MTAP: variants seen among roughly 807,000 people sequenced by gnomAD.
MTAP encodes the protein methylthioadenosine phosphorylase.
A neutral mutation model predicts 33.6 loss-of-function variants in MTAP; 33 were observed. That is an observed-to-expected ratio of 0.98 (90% CI 0.74 to 1.31). The LOEUF (loss-of-function observed/expected upper bound fraction) is 1.31, where lower values mean the gene tolerates loss of function less well. Among genes scored for constraint, MTAP ranks in the 40% most tolerant of loss-of-function variants. The pLI is 0.00. For missense variants in MTAP, 367 were observed against 360.0 expected (o/e 1.02, Z -0.16); for synonymous variants, 148 against 125.7 (o/e 1.18, Z -1.19).
At chr9:21,893,959 T>A (rs1326665222) in intron 1 of MTAP, 1 of 134,938 alleles carries the variant, frequency 7.4e-6, no homozygotes, top group Non-Finnish European at 1.6e-5. Flanking sequence ...ACACAGAAAT[T>A]CTGGCCAACA....
intron 1 of MTAP, among the ~76,000 whole-genome samples, chr9:21,884,781 G>C (rs1818081528): frequency 6.6e-6 from 1 of 152,140 alleles, no homozygotes; most frequent in Non-Finnish European, 1.5e-5. Flanking sequence ...CTCATTGAGG[G>C]TTAGGGTTTC....
chr9:21,895,810 G>C (rs1818282694), intron 1 of MTAP, among the ~76,000 whole-genome samples: 1 of 152,168 alleles, frequency 6.6e-6, no homozygotes, highest in Non-Finnish European at 1.5e-5. Context: ...AAAGCGGCCA[G>C]GAAGCTCCAA....
intron 1 of MTAP, among the ~76,000 whole-genome samples, chr9:21,878,644 G>T (rs1410986597): frequency 6.6e-6 from 1 of 152,106 alleles, no homozygotes; most frequent in East Asian, 1.9e-4. Context: ...TTACAGGCAT[G>T]AGCCACTGCA....
intron 1 of MTAP, among the ~76,000 whole-genome samples, chr9:21,810,394 G>T (rs1405282802): frequency 1.3e-5 from 2 of 151,610 alleles, no homozygotes; most frequent in African/African-American, 4.9e-5. Context: ...TAAAAGAAAT[G>T]AAAGGGAGAC....
intron 3 of MTAP, among the ~76,000 whole-genome samples, 175 bp downstream of exon 3, chr9:21,816,947 G>T (rs1446336776): frequency 6.6e-6 from 1 of 152,178 alleles, no homozygotes; most frequent in African/African-American, 2.4e-5. Flanking sequence ...TGACTTAGGA[G>T]ATCAAAGATC....
chr9:21,937,960 G>A (rs921456672), downstream of MTAP, among the ~76,000 whole-genome samples: 10 of 151,928 alleles, frequency 6.6e-5, no homozygotes, highest in African/African-American at 2.2e-4. Context: ...AGTAACATAG[G>A]GAGACCCTTC....
intron 1 of MTAP, 170 bp downstream of exon 1, chr9:21,802,951 G>A (rs1308878872): frequency 2.2e-6 from 3 of 1,386,764 alleles, no homozygotes; most frequent in East Asian, 5.5e-5. Context: ...CGAGGAGAGG[G>A]TACGCTTGCA....
chr9:21,830,338 A>G (rs1824935814), intron 4 of MTAP, among the ~76,000 whole-genome samples: 1 of 152,216 alleles, frequency 6.6e-6, no homozygotes, highest in South Asian at 2.1e-4. Context: ...CAGAATCTAT[A>G]CCAAGAACTT....
chr9:21,805,304 C>T lies in MTAP; in HGVS notation c.33+2523C>T, dbSNP rs575719954. Among the ~76,000 whole-genome samples, 371 of 152,298 alleles carry T rather than the reference C, an allele frequency of 2.4e-3. 4 individuals are homozygous for T. The highest frequency in any genetic ancestry group is 3.4e-3 in the Middle Eastern group (1 of 294). On this transcript the variant is annotated intron_variant, in intron 1 of 7. Coordinates refer to ENST00000644715, the MANE Select transcript of MTAP (RefSeq NM_002451.4). ...AGTTTTGGATTGGCAGTATATTTGG[C>T]ATATCTTTCAAATCTAGCCATCTAC...
chr9:21,938,703 T>C (rs1819085733), downstream of MTAP, among the ~76,000 whole-genome samples: 2 of 152,194 alleles, frequency 1.3e-5, no homozygotes, highest in African/African-American at 4.8e-5. Context: ...ATCAGATCTT[T>C]AACCATGGCC....
At chr9:21,925,564 C>T (rs1009477689) in intron 1 of MTAP, among the ~76,000 whole-genome samples, 15 of 152,248 alleles carry the variant, frequency 9.9e-5, no homozygotes, top group Admixed American at 9.8e-4. Flanking sequence ...TCCCAGTTAA[C>T]TGCCATCAGT....
intron 1 of MTAP, among the ~76,000 whole-genome samples, chr9:21,916,136 G>GA (rs1293786390): frequency 1.3e-5 from 2 of 151,256 alleles, no homozygotes; most frequent in Admixed American, 6.6e-5. Context: ...GGGAAGGAAG[G>GA]AAAATAACCT....
chr9:21,886,005 G>A (rs1818103808), intron 1 of MTAP, among the ~76,000 whole-genome samples: 2 of 151,960 alleles, frequency 1.3e-5, no homozygotes, highest in Admixed American at 1.3e-4. Context: ...TCAAATGGTA[G>A]ATGTCCTTTT....
chr9:21,816,899 C>T, intron 3 of MTAP, 127 bp downstream of exon 3: 1 of 720,280 alleles, frequency 1.4e-6, no homozygotes, highest in Non-Finnish European at 2.2e-6. Flanking sequence ...ATCTTAGTAA[C>T]CTTTATTTAC....
chr9:21,914,590 T>C (rs1230022732), intron 1 of MTAP, among the ~76,000 whole-genome samples: 2 of 137,792 alleles, frequency 1.5e-5, no homozygotes, highest in Non-Finnish European at 3.1e-5. Flanking sequence ...ATGACAACTC[T>C]TGGCCACAGG....
intron 1 of MTAP, among the ~76,000 whole-genome samples, chr9:21,908,391 AT>A (rs1369133035): frequency 1.3e-5 from 2 of 152,048 alleles, no homozygotes; most frequent in Non-Finnish European, 2.9e-5. Flanking sequence ...CCAGTTTTTG[AT>A]TACGGTAAGT....
At chr9:21,890,506 A>C (rs1219742407) in intron 1 of MTAP, among the ~76,000 whole-genome samples, 1 of 151,850 alleles carries the variant, frequency 6.6e-6, no homozygotes, top group African/African-American at 2.4e-5. Flanking sequence ...ACAGAGTTCA[A>C]CTGGACGTTT....
chr9:21,859,572 C>CA, intron 7 of MTAP, 147 bp downstream of exon 7: 1 of 816,936 alleles, frequency 1.2e-6, no homozygotes, highest in Non-Finnish European at 1.8e-6. Context: ...ACTACCATAC[C>CA]AACCACTTGT....
intron 1 of MTAP, among the ~76,000 whole-genome samples, chr9:21,805,613 G>A (rs967646646): frequency 6.6e-6 from 1 of 152,154 alleles, no homozygotes; most frequent in Non-Finnish European, 1.5e-5. Context: ...GGGCCTTTGG[G>A]CGTGATTGGG....
Sources: allele counts gnomAD v4.1 joint callset (sites outside exome capture counted in the v4.1 genomes callset), GRCh38; gene constraint gnomAD v4.1.1; transcripts MANE v1.5; gene names NCBI Gene and HGNC (gene_info 2026-07-23, HGNC 2026-07-21).